Variants in MTMR2 observed in about 807,000 individuals in gnomAD.
MTMR2 encodes the protein myotubularin related protein 2.
MTMR2 carries 55 observed loss-of-function variants against 86.9 expected under a neutral mutation model. That is an observed-to-expected ratio of 0.63 (90% CI 0.51 to 0.79). The LOEUF is 0.79. Among genes scored for constraint, MTMR2 ranks in the 30% least tolerant of loss-of-function variants. The pLI is 0.00. For synonymous variants in MTMR2, 241 were observed against 266.8 expected (o/e 0.90, Z 0.94); for missense variants, 659 against 772.3 (o/e 0.85, Z 1.74).
rs571196105 is a variant in MTMR2, at chr11:95,915,300, C to T, written c.80+8575G>A. 2.0e-5 allele frequency among the ~76,000 whole-genome samples: 3 copies of T among 152,258 alleles called. No homozygotes were observed. In the East Asian group the frequency reaches 5.8e-4, roughly 29 times the overall value. On this transcript the variant is annotated intron_variant, in intron 1 of 14. Transcript: ENST00000346299. ...TCCAGACAAGGCCTCCTCCCTACCT[C>T]AGCAACTGCTCATTTGCTGCTATCA...
At position 95,838,084 on chromosome 11, in the gene MTMR2, C is replaced by G; in HGVS notation, c.1593+10G>C. 6.7e-7 allele frequency: 1 copy of G among 1,497,290 alleles called. No individual in the cohort carries two copies. The highest frequency in any genetic ancestry group is 9.3e-7 in the Non-Finnish European group (1 of 1,077,114). The allele number at this position is 1,497,290 out of a possible 1,614,324, so 92.8% of individuals were successfully genotyped here. A position where few individuals can be genotyped will look rare whatever the true frequency, so the allele number is the denominator to read the frequency against. ...AGATAGTATGGGGAAGGTCATGTTTCATATTTTACCTCTTTTCCTCTCTGT... is the reference window on the plus strand; with the variant it reads ...AGATAGTATGGGGAAGGTCATGTTTGATATTTTACCTCTTTTCCTCTCTGT... On this transcript the variant is annotated intron_variant, in intron 13 of 14. Transcript: ENST00000346299.
intron 3 of MTMR2, among the ~76,000 whole-genome samples, chr11:95,864,545 C>T (rs1864539269): frequency 6.6e-6 from 1 of 152,116 alleles, no homozygotes; most frequent in Admixed American, 6.5e-5. Context: ...AGAATATACT[C>T]TCTGAGAATG....
At chr11:95,917,704 CAAAGA>C (rs1046869241) in intron 1 of MTMR2, among the ~76,000 whole-genome samples, 4 of 152,042 alleles carry the variant, frequency 2.6e-5, no homozygotes, top group Admixed American at 2.0e-4. Context: ...AAGACAATCA[CAAAGA>C]AAAGAAAATA....
intron 1 of MTMR2, among the ~76,000 whole-genome samples, chr11:95,919,685 A>G (rs1283406964): frequency 1.3e-5 from 2 of 152,232 alleles, no homozygotes; most frequent in African/African-American, 2.4e-5. Context: ...CAAGATGTCC[A>G]GTCTCCCATA....
intron 10 of MTMR2, among the ~76,000 whole-genome samples, chr11:95,846,184 T>C (rs780814818): frequency 5.9e-5 from 9 of 152,206 alleles, no homozygotes; most frequent in Non-Finnish European, 1.3e-4. Flanking sequence ...ATAATTCTAG[T>C]GCATATACGA....
At chr11:95,887,234 G>A (rs1332940424) in intron 2 of MTMR2, among the ~76,000 whole-genome samples, 1 of 152,094 alleles carries the variant, frequency 6.6e-6, no homozygotes, top group Non-Finnish European at 1.5e-5. Context: ...AGCTAAAATT[G>A]TGTAAGTGTA....
chr11:95,844,940 G>C lies in MTMR2; in HGVS notation c.1386+13C>G. 1.3e-6 allele frequency: 2 copies of C among 1,579,634 alleles called. No individual in the cohort carries two copies. Among genetic ancestry groups the C allele is most frequent in the Non-Finnish European group, 1.7e-6 (2 of 1,151,730 alleles). ...TGCATGTGATATATCCAAAGTCAAG[G>C]TTCCTTACTTACTAGTTGAAATCGA... is the stretch of plus-strand genomic sequence containing the variant. On this transcript the variant is annotated intron_variant, in intron 11 of 14. Coordinates refer to ENST00000346299, the MANE Select transcript of MTMR2 (RefSeq NM_016156.6).
chr11:95,891,044 C>G (rs773160917), intron 1 of MTMR2, among the ~76,000 whole-genome samples: 3 of 152,150 alleles, frequency 2.0e-5, no homozygotes, highest in African/African-American at 4.8e-5. Flanking sequence ...CGCCTATGCC[C>G]TTCTGGGAGA....
intron 6 of MTMR2, 151 bp downstream of exon 6, chr11:95,858,380 A>C: frequency 7.8e-6 from 5 of 643,744 alleles, no homozygotes; most frequent in Non-Finnish European, 1.4e-5. Context: ...AAAGAAATTG[A>C]TCTAAGAGAC....
intron 7 of MTMR2, among the ~76,000 whole-genome samples, chr11:95,852,050 T>A (rs1441508683): frequency 6.6e-6 from 1 of 152,246 alleles, no homozygotes; most frequent in Non-Finnish European, 1.5e-5. Context: ...TAAGAAAATC[T>A]ATCTTAAATT....
chr11:95,851,055 CTTTTTTTTTT>C (rs55809121), intron 7 of MTMR2, among the ~76,000 whole-genome samples: 7 of 93,416 alleles, frequency 7.5e-5, no homozygotes, highest in East Asian at 3.0e-4. Context: ...TCAAATATTC[CTTTTTTTTTT>C]TTTTTTTTTT....
chr11:95,923,984 T>C lies in MTMR2; in HGVS notation c.-30A>G. The C allele has an allele frequency of 6.4e-7, 1 of 1,552,462 alleles. No homozygotes were observed. The highest frequency in any genetic ancestry group is 8.7e-7 in the Non-Finnish European group (1 of 1,147,760). ...CGGCAGGGGCAGCACAGGGAAAGGC[T>C]GAAGCAGTCTTCGCGGCTACAGGGC... On this transcript the variant is annotated 5_prime_UTR_variant, in exon 1 of 15. Transcript: ENST00000346299.
chr11:95,911,792 A>C (rs1866515802), intron 1 of MTMR2, among the ~76,000 whole-genome samples: 1 of 152,192 alleles, frequency 6.6e-6, no homozygotes, highest in South Asian at 2.1e-4. Flanking sequence ...TCTATTCCCT[A>C]AACACTTGCT....
chr11:95,903,269 C>T (rs1210645715), intron 1 of MTMR2, among the ~76,000 whole-genome samples: 3 of 152,132 alleles, frequency 2.0e-5, no homozygotes, highest in African/African-American at 4.8e-5. Flanking sequence ...TTCAATTTCA[C>T]CAAAACCTCC....
chr11:95,917,285 C>T (rs1866743869), intron 1 of MTMR2, among the ~76,000 whole-genome samples: 1 of 152,152 alleles, frequency 6.6e-6, no homozygotes, highest in South Asian at 2.1e-4. Context: ...GGAGAATTTC[C>T]ATTACTCAAA....
Position 95,835,443 on chromosome 11 carries a change from A to G in MTMR2, c.1779T>C (p.Ile593=), listed in dbSNP as rs1296486932. 6.2e-7 allele frequency: 1 copy of G among 1,612,396 alleles called. No homozygotes were observed. The highest frequency in any genetic ancestry group is 8.5e-7 in the Non-Finnish European group (1 of 1,179,152). ...WNPRMKPQEP[I]HNRYKELLAK... ...CAAGAAGTTCTTTGTATCTGTTGTG[A>G]ATAGGTTCCTGCAAGAGCAAAACAT... Residue 593 remains isoleucine, a synonymous_variant, in exon 15 of 15, where the codon ATT becomes ATC. Transcript: ENST00000346299.
At chr11:95,882,539 C>G (rs1865366623) in intron 2 of MTMR2, 2 of 150,758 alleles carry the variant, frequency 1.3e-5, no homozygotes, top group South Asian at 2.1e-4. Context: ...AAAATAATTT[C>G]TGGCCTTTAG....
intron 1 of MTMR2, among the ~76,000 whole-genome samples, chr11:95,905,448 C>G (rs969709740): frequency 4.6e-5 from 7 of 151,722 alleles, no homozygotes; most frequent in African/African-American, 1.7e-4. Context: ...GACAACAGTG[C>G]TAAAATGCAG....
chr11:95,867,687 C>T (rs1336087394), intron 2 of MTMR2, among the ~76,000 whole-genome samples: 1 of 151,782 alleles, frequency 6.6e-6, no homozygotes, highest in African/African-American at 2.4e-5. Flanking sequence ...AAAGGAACTC[C>T]AACTAGCACT....
Sources: gnomAD v4.1 joint callset for allele counts (sites outside exome capture counted in the v4.1 genomes callset) on GRCh38, gnomAD v4.1.1 for gene constraint, MANE v1.5 for transcripts, NCBI Gene and HGNC (gene_info 2026-07-23, HGNC 2026-07-21) for gene names.